Variants in ULK4 observed in about 807,000 individuals in gnomAD.
The protein encoded by ULK4 is unc-51 like kinase 4.
A neutral mutation model predicts 160.6 loss-of-function variants in ULK4; 133 were observed. The observed-to-expected ratio is 0.83, with a 90% CI of 0.72 to 0.96. The LOEUF is 0.96. Ranked by LOEUF, ULK4 falls within the 40% of genes least tolerant of loss-of-function variation. The pLI is 0.00. For missense variants in ULK4, 1,580 were observed against 1,499.5 expected, an observed-to-expected ratio of 1.05 and a Z score of -0.89; for synonymous variants, 534 against 539.8, an observed-to-expected ratio of 0.99 and a Z score of 0.15.
intron 32 of ULK4, among the ~76,000 whole-genome samples, chr3:41,539,522 A>G (rs2086624931): frequency 7.0e-6 from 1 of 143,602 alleles, no homozygotes. Flanking sequence ...ACTCTATAAA[A>G]TCTAGAATGT....
intron 31 of ULK4, among the ~76,000 whole-genome samples, chr3:41,601,256 G>C (rs901848782): frequency 6.6e-6 from 1 of 151,990 alleles, no homozygotes; most frequent in African/African-American, 2.4e-5. Context: ...ATAACAAAGT[G>C]ATAGTATTCT....
chr3:41,868,816 AAT>A, intron 17 of ULK4, among the ~76,000 whole-genome samples: 1 of 151,918 alleles, frequency 6.6e-6, no homozygotes, highest in East Asian at 1.9e-4. Context: ...TTTCCCCCCC[AAT>A]ATGACAATCT....
chr3:41,681,884 G>C, intron 27 of ULK4, 80 bp from the exon 28 acceptor site: 1 of 1,495,180 alleles, frequency 6.7e-7, no homozygotes, highest in South Asian at 1.2e-5. Context: ...TTTTTCCACA[G>C]ACAGAATCCC....
intron 35 of ULK4, among the ~76,000 whole-genome samples, chr3:41,390,713 T>C (rs1371621840): frequency 6.6e-6 from 1 of 152,244 alleles, no homozygotes. Flanking sequence ...CTAGTTTGAT[T>C]TCACTGTGGT....
chr3:41,664,974 T>C (rs1478482051), intron 29 of ULK4, among the ~76,000 whole-genome samples: 1 of 152,186 alleles, frequency 6.6e-6, no homozygotes, highest in South Asian at 2.1e-4. Context: ...AGGTTTGCTC[T>C]CCAGTATGCA....
chr3:41,357,554 GGGTGGAGCTGA>G (rs145077749), intron 35 of ULK4, among the ~76,000 whole-genome samples: 5,931 of 152,276 alleles, frequency 0.039, 307 homozygotes, highest in East Asian at 0.19. Context: ...CAGTTAAACA[GGGTGGAGCTGA>G]GAGATCCTTG....
intron 35 of ULK4, among the ~76,000 whole-genome samples, chr3:41,306,188 G>T (rs1320924138): frequency 1.2e-4 from 11 of 90,114 alleles, no homozygotes; most frequent in Non-Finnish European, 1.0e-4. Context: ...GAGGTGGGGG[G>T]GTCAGCCCCC....
At chr3:41,782,524 G>A (rs114676721) in intron 21 of ULK4, among the ~76,000 whole-genome samples, 2,101 of 152,142 alleles carry the variant, frequency 0.014, 21 homozygotes, top group Middle Eastern at 0.024. Flanking sequence ...TAAGTATCTC[G>A]GCTGAAAATT....
At chr3:41,564,157 C>T (rs2087702330) in intron 32 of ULK4, among the ~76,000 whole-genome samples, 1 of 152,184 alleles carries the variant, frequency 6.6e-6, no homozygotes, top group African/African-American at 2.4e-5. Flanking sequence ...TGGAGGTCCA[C>T]TCCAGACCCT....
chr3:41,466,059 G>T (rs768843461), intron 32 of ULK4, among the ~76,000 whole-genome samples: 1 of 152,094 alleles, frequency 6.6e-6, no homozygotes, highest in Non-Finnish European at 1.5e-5. Flanking sequence ...GGTTTCAATT[G>T]ATTTCAATCA....
In ULK4 at chr3:41,412,553, A is replaced by ATTTTTTTTTTTTTTTTTTTT. The variant is rs57224854; in HGVS notation, c.3493-14309_3493-14290dup. Among the ~76,000 whole-genome samples, 85 of 100,418 alleles carry ATTTTTTTTTTTTTTTTTTTT rather than the reference A, an allele frequency of 8.5e-4. 3 individuals are homozygous for ATTTTTTTTTTTTTTTTTTTT. The highest frequency in any genetic ancestry group is 9.9e-4 in the Non-Finnish European group (50 of 50,726). The allele number at this position is 100,418 out of a possible 152,430, so 65.9% of individuals were successfully genotyped here. ...TAAAGGTCAATGGCAATGCAGTTGA[A>ATTTTTTTTTTTTTTTTTTTT]TTTTTTTTTTTTTTTTTTTTTTTTT... On this transcript the variant is annotated intron_variant, in intron 34 of 36. Coordinates refer to ENST00000301831, the MANE Select transcript of ULK4 (RefSeq NM_017886.4).
At chr3:41,790,741 A>G (rs2040125323) in intron 20 of ULK4, among the ~76,000 whole-genome samples, 1 of 152,216 alleles carries the variant, frequency 6.6e-6, no homozygotes, top group Non-Finnish European at 1.5e-5. Context: ...AAACCTTATG[A>G]TCTATCTAGA....
intron 35 of ULK4, among the ~76,000 whole-genome samples, chr3:41,333,789 G>A (rs142265562): frequency 4.5e-4 from 69 of 152,120 alleles, no homozygotes; most frequent in African/African-American, 1.6e-3. Flanking sequence ...CATCAGAATC[G>A]CGGGGAACAT....
At chr3:41,606,880 T>C (rs2032408300) in intron 31 of ULK4, among the ~76,000 whole-genome samples, 1 of 152,142 alleles carries the variant, frequency 6.6e-6, no homozygotes. Flanking sequence ...GGATGAATAG[T>C]TTGCAAATAT....
intron 32 of ULK4, among the ~76,000 whole-genome samples, chr3:41,477,174 C>T (rs2125892575): frequency 6.6e-6 from 1 of 152,232 alleles, no homozygotes; most frequent in East Asian, 1.9e-4. Flanking sequence ...CCTAAAAAAT[C>T]CAAGATTTAT....
In ULK4 at chr3:41,713,478, A is replaced by T. The variant is rs888273517; in HGVS notation, c.2634+1759T>A. Among the ~76,000 whole-genome samples the T allele has an allele frequency of 2.0e-5, 3 of 152,236 alleles. No homozygotes were observed. In the East Asian group the frequency reaches 5.8e-4, roughly 29 times the overall value. On this transcript the variant is annotated intron_variant, in intron 25 of 36. Transcript: ENST00000301831. The stretch of plus-strand genomic sequence containing the variant: ...AGGTGAACACACAGTTAAGGCCAAC[A>T]AACAAACACAATAAGAAAAATAATT...
At chr3:41,517,557 A>G (rs2085790888) in intron 32 of ULK4, among the ~76,000 whole-genome samples, 1 of 152,208 alleles carries the variant, frequency 6.6e-6, no homozygotes, top group South Asian at 2.1e-4. Flanking sequence ...TGAGAAAATA[A>G]ATTTCTGTTC....
chr3:41,525,588 C>T (rs1565961), intron 32 of ULK4, among the ~76,000 whole-genome samples: 38,947 of 152,124 alleles, frequency 0.26, 5,225 homozygotes, highest in African/African-American at 0.31. Context: ...CAGATCCCAT[C>T]ATCGCTCCCT....
At chr3:41,702,491 A>G (rs2036710375) in intron 27 of ULK4, among the ~76,000 whole-genome samples, 1 of 152,216 alleles carries the variant, frequency 6.6e-6, no homozygotes, top group Non-Finnish European at 1.5e-5. Flanking sequence ...TATTACATAG[A>G]TCTAAAACAT....
Sources: gnomAD v4.1 joint callset for allele counts (sites outside exome capture counted in the v4.1 genomes callset) on GRCh38, gnomAD v4.1.1 for gene constraint, MANE v1.5 for transcripts, NCBI Gene and HGNC (gene_info 2026-07-23, HGNC 2026-07-21) for gene names.